Variants in RIMS2 observed in about 807,000 individuals in gnomAD.
RIMS2 encodes the protein regulating synaptic membrane exocytosis protein 2.
A neutral mutation model predicts 174.4 loss-of-function variants in RIMS2; 59 were observed. The observed-to-expected ratio is 0.34, with a 90% CI of 0.27 to 0.42. RIMS2 has a LOEUF of 0.42. RIMS2 is among the 10% of genes least tolerant of loss of function. The probability of loss-of-function intolerance (pLI) is 1.00; values close to 1 mark genes in which losing one functional copy is unlikely to be tolerated. For missense variants in RIMS2, 1,620 were observed against 1,666.3 expected (o/e 0.97, Z 0.48); for synonymous variants, 606 against 572.5 (o/e 1.06, Z -0.84).
chr8:104,033,617 G>GT (rs894233040), intron 19 of RIMS2, among the ~76,000 whole-genome samples: 51 of 146,486 alleles, frequency 3.5e-4, no homozygotes, highest in Admixed American at 1.2e-3. Flanking sequence ...AATGATTATA[G>GT]TTTTTTTTTT....
intron 1 of RIMS2, among the ~76,000 whole-genome samples, chr8:103,614,403 A>G (rs2095457962): frequency 6.6e-6 from 1 of 152,220 alleles, no homozygotes; most frequent in Non-Finnish European, 1.5e-5. Flanking sequence ...GGCCTTTGCT[A>G]GTGCATTGGA....
At chr8:103,784,922 G>C (rs1316338445) in intron 3 of RIMS2, among the ~76,000 whole-genome samples, 4 of 138,090 alleles carry the variant, frequency 2.9e-5, no homozygotes, top group South Asian at 4.9e-4. Flanking sequence ...TCTTCCATTT[G>C]TTTGTATCCT....
At chr8:103,744,346 G>T (rs927027333) in intron 2 of RIMS2, among the ~76,000 whole-genome samples, 35 of 152,048 alleles carry the variant, frequency 2.3e-4, no homozygotes, top group African/African-American at 8.0e-4. Context: ...GCCCAGCTAG[G>T]ATTTTTATAT....
At chr8:103,595,966 C>T (rs1042269606) in intron 1 of RIMS2, among the ~76,000 whole-genome samples, 1 of 151,904 alleles carries the variant, frequency 6.6e-6, no homozygotes, top group African/African-American at 2.4e-5. Context: ...CTCTCTCTTA[C>T]AAATCATGTT....
chr8:103,609,264 T>C (rs1316245644), intron 1 of RIMS2, among the ~76,000 whole-genome samples: 1 of 152,198 alleles, frequency 6.6e-6, no homozygotes, highest in Non-Finnish European at 1.5e-5. Flanking sequence ...TAGAGCTTCG[T>C]TGGATGTATA....
At chr8:103,756,614 TG>T (rs2098014586) in intron 2 of RIMS2, among the ~76,000 whole-genome samples, 1 of 151,744 alleles carries the variant, frequency 6.6e-6, no homozygotes, top group Non-Finnish European at 1.5e-5. Context: ...TTTGTAGAGA[TG>T]GGGTTTTGCC....
chr8:103,534,615 A>G (rs1838948549), intron 1 of RIMS2, among the ~76,000 whole-genome samples: 1 of 152,206 alleles, frequency 6.6e-6, no homozygotes, highest in South Asian at 2.1e-4. Context: ...GAAATACATA[A>G]AATCATATTA....
intron 16 of RIMS2, among the ~76,000 whole-genome samples, chr8:103,985,293 G>A (rs1220360601): frequency 6.6e-6 from 1 of 151,698 alleles, no homozygotes; most frequent in African/African-American, 2.4e-5. Context: ...GGCCAATATG[G>A]TGAAACCCCG....
intron 1 of RIMS2, among the ~76,000 whole-genome samples, chr8:103,526,102 G>T (rs1272179713): frequency 6.6e-6 from 1 of 152,132 alleles, no homozygotes; most frequent in Non-Finnish European, 1.5e-5. Flanking sequence ...TCATGGGGTG[G>T]GGCTAATGGA....
At position 104,130,929 on chromosome 8, in the gene RIMS2, GA is replaced by G. The variant is rs564283326; in HGVS notation, c.3335-113986del. Among the ~76,000 whole-genome samples the G allele has an allele frequency of 2.8e-4, 43 of 152,222 alleles. 1 individual carries two copies. The South Asian group carries it at 8.7e-3, about 31-fold the overall frequency. ...AACTACATATAGTGATGTATTTCTA[GA>G]GCATTTAGTTTAAGAGGGAAAAGAG... On this transcript the variant is annotated intron_variant, in intron 19 of 23. Coordinates refer to ENST00000504942, the Ensembl canonical transcript of RIMS2.
intron 19 of RIMS2, among the ~76,000 whole-genome samples, chr8:104,062,575 T>G (rs2097021165): frequency 6.6e-6 from 1 of 152,234 alleles, no homozygotes; most frequent in South Asian, 2.1e-4. Flanking sequence ...CTTTTTATAG[T>G]ATATCTCATT....
chr8:103,889,244 T>A (rs1369542378), intron 4 of RIMS2, among the ~76,000 whole-genome samples: 2 of 151,728 alleles, frequency 1.3e-5, no homozygotes, highest in Admixed American at 6.6e-5. Context: ...TTTAAACATG[T>A]TTTTCTGTAT....
rs757678556 is a variant in RIMS2 at position 104,244,904 on chromosome 8, C to G, written c.3335-12C>G. On this transcript the variant is annotated splice_polypyrimidine_tract_variant and intron_variant, in intron 19 of 23. Coordinates refer to ENST00000504942, the Ensembl canonical transcript of RIMS2. ...TACAAAGCTGTTACACTTTTTGTTT[C>G]TATCTCTGCAGAAGCAGGAGGTAAA... 6.8e-6 allele frequency: 11 copies of G among 1,609,190 alleles called. No individual in the cohort carries two copies. Among genetic ancestry groups the G allele is most frequent in the Admixed American group, 1.7e-5 (1 of 59,288 alleles).
chr8:103,549,923 A>G (rs1054758594), intron 1 of RIMS2, among the ~76,000 whole-genome samples: 1 of 151,598 alleles, frequency 6.6e-6, no homozygotes, highest in East Asian at 1.9e-4. Context: ...AGAGCTAACT[A>G]TCCTAAATGC....
intron 3 of RIMS2, among the ~76,000 whole-genome samples, chr8:103,771,147 G>T (rs1253017989): frequency 6.6e-6 from 1 of 152,124 alleles, no homozygotes; most frequent in Admixed American, 6.5e-5. Flanking sequence ...TATCAAGTTG[G>T]CTCTAAACCT....
At chr8:104,061,659 C>T (rs142299671) in intron 19 of RIMS2, among the ~76,000 whole-genome samples, 1,814 of 149,598 alleles carry the variant, frequency 0.012, 20 homozygotes, top group Non-Finnish European at 0.021. Context: ...TAAAATTGTT[C>T]TAAGCTATGC....
chr8:103,635,331 G>T (rs762375116), intron 1 of RIMS2, among the ~76,000 whole-genome samples: 8 of 152,226 alleles, frequency 5.3e-5, no homozygotes, highest in Non-Finnish European at 4.4e-5. Context: ...TGGAGGCTCT[G>T]TCCAGGGAGT....
rs1290031693 is a variant in RIMS2, at chr8:103,916,550, C to T, written c.2036+13C>T. 6.3e-7 allele frequency: 1 copy of T among 1,595,908 alleles called. No individual in the cohort carries two copies. Among genetic ancestry groups the T allele is most frequent in the Non-Finnish European group, 8.5e-7 (1 of 1,172,766 alleles). ...CAAGGCCTATTGGGTAAGTTGGTTT[C>T]AGTATTTTATATGTGTGTGAAGTTG... On this transcript the variant is annotated intron_variant, in intron 8 of 23. Coordinates refer to ENST00000504942, the Ensembl canonical transcript of RIMS2.
chr8:104,244,658 A>T (rs2099320832), intron 19 of RIMS2, among the ~76,000 whole-genome samples: 1 of 152,158 alleles, frequency 6.6e-6, no homozygotes, highest in Non-Finnish European at 1.5e-5. Flanking sequence ...TGTTTCTTAT[A>T]TTAACAATTT....
Sources: allele counts gnomAD v4.1 joint callset (sites outside exome capture counted in the v4.1 genomes callset), GRCh38; gene constraint gnomAD v4.1.1; transcripts MANE v1.5; gene names NCBI Gene and HGNC (gene_info 2026-07-23, HGNC 2026-07-21).